Variants in COMMD6 observed in about 807,000 individuals in gnomAD.
The protein encoded by COMMD6 is COMM domain-containing protein 6.
Under a neutral mutation model 13.4 loss-of-function variants are expected in COMMD6, and 11 were observed. That is an observed-to-expected ratio of 0.82 (90% CI 0.52 to 1.36). COMMD6 has a LOEUF of 1.36. COMMD6 is among the 40% of genes most tolerant of loss of function. The pLI is 0.00. For missense variants in COMMD6, 124 were observed against 102.4 expected, an observed-to-expected ratio of 1.21 and a Z score of -0.91; for synonymous variants, 43 against 36.5, an observed-to-expected ratio of 1.18 and a Z score of -0.64.
At chr13:75,546,596 C>T (rs2030907995) in intron 1 of COMMD6, among the ~76,000 whole-genome samples, 1 of 152,102 alleles carries the variant, frequency 6.6e-6, no homozygotes, top group South Asian at 2.1e-4. Context: ...CAAAATGTAA[C>T]TATATGCTTA....
Position 75,537,814 on chromosome 13 carries a change from T to C in COMMD6, c.-9A>G, listed in dbSNP as rs756708615. The C allele has an allele frequency of 1.9e-6, 3 of 1,596,074 alleles. No individual in the cohort carries two copies. Among genetic ancestry groups the C allele is most frequent in the East Asian group, 2.2e-5 (1 of 44,586 alleles). On this transcript the variant is annotated 5_prime_UTR_variant, in exon 1 of 4. Transcript: ENST00000682242. ...TCGCTGGACGCCTCCATGGGCAGCG[T>C]CTGGGACTTGCGGCCCGGACTCGAG...
At chr13:75,544,638 C>G (rs2030874620) in intron 1 of COMMD6, among the ~76,000 whole-genome samples, 1 of 152,056 alleles carries the variant, frequency 6.6e-6, no homozygotes, top group Non-Finnish European at 1.5e-5. Flanking sequence ...TGGCACACAC[C>G]TGTGATCCCA....
chr13:75,542,271 G>T (rs2030837087), upstream of COMMD6, among the ~76,000 whole-genome samples: 1 of 144,392 alleles, frequency 6.9e-6, no homozygotes, highest in Non-Finnish European at 1.5e-5. Context: ...ATTTGTCAAG[G>T]TTTCTTTTTC....
In COMMD6 at chr13:75,525,356, GAAGT is replaced by G. The variant is rs898174190; in HGVS notation, c.*1229_*1232del. On this transcript the variant is annotated 3_prime_UTR_variant, in exon 4 of 4. Coordinates refer to ENST00000682242, the MANE Select transcript of COMMD6 (RefSeq NM_203495.4). ...AGGGGAAAGAGGAAGGTGTTAATCC[GAAGT>G]AAGTGGGAGACAGAGGAACCTCATG... The G allele has an allele frequency of 3.9e-5, 6 of 152,316 alleles. No homozygotes were observed. The highest frequency in any genetic ancestry group is 2.6e-4 in the Admixed American group (4 of 15,292). The allele number at this position is 152,316 out of a possible 1,614,324, so 9.4% of individuals were successfully genotyped here.
In COMMD6 at chr13:75,537,806, G is replaced by A. The variant is rs555410964; in HGVS notation, c.-1C>T. On this transcript the variant is annotated 5_prime_UTR_variant, in exon 1 of 4. Transcript: ENST00000682242. ...GCGGCGGCTCGCTGGACGCCTCCATGGGCAGCGTCTGGGACTTGCGGCCCG... is the reference window on the plus strand; with the variant it reads ...GCGGCGGCTCGCTGGACGCCTCCATAGGCAGCGTCTGGGACTTGCGGCCCG... The A allele has an allele frequency of 1.1e-5, 18 of 1,603,854 alleles. No individual in the cohort carries two copies. The highest frequency in any genetic ancestry group is 1.7e-4 in the Middle Eastern group (1 of 5,946).
chr13:75,538,154 A>G (rs549257879), upstream of COMMD6, among the ~76,000 whole-genome samples: 80 of 152,322 alleles, frequency 5.3e-4, no homozygotes, highest in African/African-American at 1.9e-3. Flanking sequence ...GCGGCTCCTC[A>G]ATCCCAACCA....
In COMMD6 at chr13:75,526,532, G is replaced by T; in HGVS notation, c.*57C>A. 12 of 1,188,744 alleles carry T rather than the reference G, an allele frequency of 1.0e-5. No homozygotes were observed. Among genetic ancestry groups the T allele is most frequent in the Admixed American group, 2.3e-5 (1 of 43,470 alleles). The allele number at this position is 1,188,744 out of a possible 1,614,324, so 73.6% of individuals were successfully genotyped here. On this transcript the variant is annotated 3_prime_UTR_variant, in exon 4 of 4. Transcript: ENST00000682242. ...TCCATCCTTATTTAGTTTTGTTGCC[G>T]AAAGTGAAGTCCATGACTTTAGAAT...
upstream of COMMD6, among the ~76,000 whole-genome samples, chr13:75,543,527 T>C (rs575744433): frequency 2.6e-5 from 4 of 152,322 alleles, no homozygotes; most frequent in Non-Finnish European, 5.9e-5. Flanking sequence ...TGGTAATTTG[T>C]TATAGCAGCA....
chr13:75,535,078 C>G (rs926403497), intron 2 of COMMD6, among the ~76,000 whole-genome samples: 3 of 152,142 alleles, frequency 2.0e-5, no homozygotes, highest in African/African-American at 7.2e-5. Flanking sequence ...TAGATATAAC[C>G]TGGGACGACC....
intron 3 of COMMD6, among the ~76,000 whole-genome samples, 194 bp from the exon 4 acceptor site, chr13:75,526,833 T>C (rs1342017286): frequency 6.6e-6 from 1 of 152,166 alleles, no homozygotes; most frequent in Non-Finnish European, 1.5e-5. Context: ...TACTGTGGGG[T>C]TGGATAATTA....
chr13:75,542,049 T>A (rs578142006), upstream of COMMD6, among the ~76,000 whole-genome samples: 2 of 152,362 alleles, frequency 1.3e-5, no homozygotes, highest in African/African-American at 4.8e-5. Flanking sequence ...TGTTTTGTGA[T>A]AATTTTCCTT....
At chr13:75,545,473 C>CT (rs796566506) in intron 1 of COMMD6, among the ~76,000 whole-genome samples, 76 of 146,884 alleles carry the variant, frequency 5.2e-4, no homozygotes, top group South Asian at 8.7e-4. Flanking sequence ...TTCTTTTTCT[C>CT]TTTTTTTTTT....
chr13:75,541,596 C>T (rs1426968438), upstream of COMMD6, among the ~76,000 whole-genome samples: 1 of 151,882 alleles, frequency 6.6e-6, no homozygotes, highest in Non-Finnish European at 1.5e-5. Context: ...TATTTTTGCC[C>T]ATGTTGCCTG....
At chr13:75,537,992 A>G, upstream of COMMD6, 1 of 451,376 alleles carries the variant, frequency 2.2e-6, no homozygotes, top group Non-Finnish European at 3.8e-6. Flanking sequence ...CATTGAGCTA[A>G]AAGAAAATTA....
intron 2 of COMMD6, among the ~76,000 whole-genome samples, chr13:75,531,166 A>G (rs1336565936): frequency 6.6e-6 from 1 of 152,200 alleles, no homozygotes; most frequent in Non-Finnish European, 1.5e-5. Context: ...CTTCTTGGAA[A>G]AGTTAGGATT....
At position 75,526,397 on chromosome 13, in the gene COMMD6, G is replaced by A; in HGVS notation, c.*192C>T. ...AGTGTCTAATTATCACTTTTATAAAGCACATTCACAAAGTTTTGCATTCAT... is the reference window on the plus strand; with the variant it reads ...AGTGTCTAATTATCACTTTTATAAAACACATTCACAAAGTTTTGCATTCAT... On this transcript the variant is annotated 3_prime_UTR_variant, in exon 4 of 4. Coordinates refer to ENST00000682242, the MANE Select transcript of COMMD6 (RefSeq NM_203495.4). 1 of 497,044 alleles carries A rather than the reference G, an allele frequency of 2.0e-6. No homozygotes were observed. The highest frequency in any genetic ancestry group is 3.1e-5 in the East Asian group (1 of 31,956). The allele number at this position is 497,044 out of a possible 1,614,324, so 30.8% of individuals were successfully genotyped here. A position where few individuals can be genotyped will look rare whatever the true frequency, so the allele number is the denominator to read the frequency against.
Position 75,525,359 on chromosome 13 carries a change from G to GT in COMMD6, c.*1229dup, listed in dbSNP as rs767168719. 1 of 152,232 alleles carries GT rather than the reference G, an allele frequency of 6.6e-6. No individual in the cohort carries two copies. Among genetic ancestry groups the GT allele is most frequent in the Non-Finnish European group, 1.5e-5 (1 of 68,056 alleles). The allele number at this position is 152,232 out of a possible 1,614,324, so 9.4% of individuals were successfully genotyped here. A position where few individuals can be genotyped will look rare whatever the true frequency, so the allele number is the denominator to read the frequency against. On this transcript the variant is annotated 3_prime_UTR_variant, in exon 4 of 4. Transcript: ENST00000682242. ...GGAAAGAGGAAGGTGTTAATCCGAAGTAAGTGGGAGACAGAGGAACCTCAT... is the reference window on the plus strand; with the variant it reads ...GGAAAGAGGAAGGTGTTAATCCGAAGTTAAGTGGGAGACAGAGGAACCTCAT...
chr13:75,539,011 T>C (rs1029359161), upstream of COMMD6, among the ~76,000 whole-genome samples: 2 of 152,144 alleles, frequency 1.3e-5, no homozygotes, highest in Admixed American at 6.5e-5. Context: ...CTAGAGGCCA[T>C]CTGCATTCCT....
chr13:75,528,092 A>C (rs1161499747), intron 3 of COMMD6, among the ~76,000 whole-genome samples: 1 of 151,820 alleles, frequency 6.6e-6, no homozygotes, highest in African/African-American at 2.4e-5. Context: ...TGGATGTGTT[A>C]ATTAGAGTGA....
Sources: gnomAD v4.1 joint callset for allele counts (sites outside exome capture counted in the v4.1 genomes callset) on GRCh38, gnomAD v4.1.1 for gene constraint, MANE v1.5 for transcripts, NCBI Gene and HGNC (gene_info 2026-07-23, HGNC 2026-07-21) for gene names.